LTBP4: variants seen among roughly 807,000 people sequenced by gnomAD.
LTBP4 encodes latent transforming growth factor beta binding protein 4.
LTBP4 carries 93 observed loss-of-function variants against 180.2 expected under a neutral mutation model. That is an observed-to-expected ratio of 0.52 (90% CI 0.44 to 0.61). The LOEUF (loss-of-function observed/expected upper bound fraction) is 0.61. LTBP4 is among the 20% of genes least tolerant of loss of function. The pLI is 0.00. For missense variants in LTBP4, 2,116 were observed against 2,256.5 expected, an observed-to-expected ratio of 0.94 and a Z score of 1.26; for synonymous variants, 947 against 934.5, an observed-to-expected ratio of 1.01 and a Z score of -0.24.
At chr19:40,606,770 T>C (rs1254201729) in intron 6 of LTBP4, among the ~76,000 whole-genome samples, 1 of 152,206 alleles carries the variant, frequency 6.6e-6, no homozygotes, top group East Asian at 1.9e-4. Flanking sequence ...TTTTTGGAGA[T>C]GGAGTCTCGC....
At chr19:40,607,611 AC>A in intron 7 of LTBP4, 82 bp downstream of exon 7, 2 of 1,438,376 alleles carry the variant, frequency 1.4e-6, no homozygotes, top group East Asian at 5.0e-5. Flanking sequence ...CCCTGAGTTC[AC>A]TGCCCCAACC....
chr19:40,621,908 C>T (rs11668582), intron 22 of LTBP4, among the ~76,000 whole-genome samples: 70,838 of 151,896 alleles, frequency 0.47, 17,507 homozygotes, highest in African/African-American at 0.63. Flanking sequence ...CCACCACACC[C>T]GGCTAATTTT....
upstream of LTBP4, chr19:40,599,280 A>G (rs895698092): frequency 6.2e-7 from 1 of 1,613,842 alleles, no homozygotes; most frequent in Non-Finnish European, 8.5e-7. Flanking sequence ...ATGGAGTATG[A>G]GTAGGGGGCA....
intron 22 of LTBP4, among the ~76,000 whole-genome samples, chr19:40,621,285 A>G (rs768695228): frequency 4.6e-5 from 7 of 151,312 alleles, no homozygotes; most frequent in Non-Finnish European, 8.8e-5. Flanking sequence ...TCCCTCCCCC[A>G]TCTAGTGGTC....
intron 19 of LTBP4, among the ~76,000 whole-genome samples, chr19:40,616,671 A>C (rs576931342): frequency 6.6e-6 from 1 of 152,242 alleles, no homozygotes; most frequent in South Asian, 2.1e-4. Context: ...CAAAAGTTGC[A>C]GTGAGCTGAG....
intron 19 of LTBP4, among the ~76,000 whole-genome samples, chr19:40,615,582 AC>A (rs542095667): frequency 7.9e-5 from 12 of 152,156 alleles, no homozygotes; most frequent in Non-Finnish European, 1.8e-4. Flanking sequence ...ACATGGTGAA[AC>A]CCCGTCTCTA....
chr19:40,612,239 C>T (rs765353233), intron 15 of LTBP4, 47 bp downstream of exon 15: 150 of 1,535,426 alleles, frequency 9.8e-5, no homozygotes, highest in Middle Eastern at 1.8e-4. Flanking sequence ...TCATGACCCC[C>T]GACCCTTGAC....
chr19:40,610,198 T>A, intron 11 of LTBP4: 2 of 491,238 alleles, frequency 4.1e-6, no homozygotes, highest in Non-Finnish European at 3.6e-6. Context: ...GCCACTGTCC[T>A]GCAACTGCGG....
At chr19:40,596,181 A>G (rs906461963) in intron 1 of LTBP4, among the ~76,000 whole-genome samples, 6 of 151,886 alleles carry the variant, frequency 4.0e-5, no homozygotes, top group Admixed American at 1.3e-4. Flanking sequence ...CGGCCTCCCA[A>G]AGTGCTGGGA....
chr19:40,611,991 C>G lies in LTBP4; in HGVS notation c.2179+7C>G, dbSNP rs779707129. The G allele has an allele frequency of 6.2e-7, 1 of 1,611,582 alleles. No homozygotes were observed. The highest frequency in any genetic ancestry group is 2.2e-5 in the East Asian group (1 of 44,804). The stretch of plus-strand genomic sequence containing the variant: ...GCTGGCTCCGAGTGCGAGGGTGAGG[C>G]CGGGGAGGGAGGGAGGAGTGTGGAT... On this transcript the variant is annotated splice_region_variant and intron_variant, in intron 14 of 29. Coordinates refer to ENST00000396819, the MANE Select transcript of LTBP4 (RefSeq NM_001042545.2). This position sits in a 1 kb window ranked among gnomAD's most constrained non-coding sequence, Gnocchi z 4.4.
intron 15 of LTBP4, 94 bp from the exon 16 acceptor site, chr19:40,612,971 C>A: frequency 7.4e-7 from 1 of 1,347,008 alleles, no homozygotes; most frequent in Non-Finnish European, 1.0e-6. Flanking sequence ...ACTCATGAGA[C>A]TTCCCACCAC....
Position 40,629,691 on chromosome 19 carries a change from C to G in LTBP4, c.*141C>G. 1 of 850,442 alleles carries G rather than the reference C, an allele frequency of 1.2e-6. No individual in the cohort carries two copies. Among genetic ancestry groups the G allele is most frequent in the Non-Finnish European group, 1.6e-6 (1 of 633,960 alleles). The allele number at this position is 850,442 out of a possible 1,614,324, so 52.7% of individuals were successfully genotyped here. ...ACCTACGGACGCCTGGAAGCTGCGA[C>G]GCCCTGCACTGCTCCCGCCTCCACC... is the stretch of plus-strand genomic sequence containing the variant. On this transcript the variant is annotated 3_prime_UTR_variant, in exon 30 of 30. Coordinates refer to ENST00000396819, the MANE Select transcript of LTBP4 (RefSeq NM_001042545.2). This position sits in a 1 kb window ranked among gnomAD's most constrained non-coding sequence, Gnocchi z 4.5.
chr19:40,612,150 A>G lies in LTBP4; in HGVS notation c.2257A>G (p.Thr753Ala), dbSNP rs1051303. ...CTCGCCCGGCTCCTTCCAGTGCAGG[A>G]CCTGTCCTTCTGGCCACCACCTGCA... is the stretch of plus-strand genomic sequence containing the variant. Reference protein sequence around the residue: ...VNSPGSFQCRTCPSGHHLHRG... With the variant: ...VNSPGSFQCRACPSGHHLHRG... Residue 753 changes from threonine to alanine, a missense_variant, in exon 15 of 30, where the codon ACC becomes GCC. Thr to Ala is a moderately conservative substitution (Grantham distance 58). Coordinates refer to ENST00000396819, the MANE Select transcript of LTBP4 (RefSeq NM_001042545.2). The G allele has an allele frequency of 0.43, 689,624 of 1,610,370 alleles. 151,226 individuals are homozygous for G. Among genetic ancestry groups the G allele is most frequent in the African/African-American group, 0.58 (43,789 of 74,896 alleles).
intron 25 of LTBP4, 83 bp downstream of exon 25, chr19:40,623,815 C>A: frequency 6.3e-7 from 1 of 1,598,732 alleles, no homozygotes; most frequent in Middle Eastern, 1.7e-4. Flanking sequence ...GTGGCCACCA[C>A]CAGCGGGAAG....
chr19:40,602,238 C>T (rs989729154), intron 1 of LTBP4, among the ~76,000 whole-genome samples: 1 of 149,790 alleles, frequency 6.7e-6, no homozygotes, highest in Non-Finnish European at 1.5e-5. Context: ...AGGGGTCCCA[C>T]GTGCGACAGA....
chr19:40,627,088 G>A lies in LTBP4; in HGVS notation c.4099G>A (p.Gly1367Ser). 6.2e-7 allele frequency: 1 copy of A among 1,613,858 alleles called. No homozygotes were observed. Among genetic ancestry groups the A allele is most frequent in the Non-Finnish European group, 8.5e-7 (1 of 1,179,822 alleles). Residue 1367 changes from glycine to serine, a missense_variant, in exon 28 of 30, where the codon GGC becomes AGC. Gly to Ser is a moderately conservative substitution (Grantham distance 56). Coordinates refer to ENST00000396819, the MANE Select transcript of LTBP4 (RefSeq NM_001042545.2). The stretch of plus-strand genomic sequence containing the variant: ...CCCAGACTTAGGTCCACCTTACCAG[G>A]GCCTCCCATATGGGCCTGAGTTGTA... ...YGPDLGPPYQGLPYGPELYPP... is the reference protein window; with the variant it reads ...YGPDLGPPYQSLPYGPELYPP...
intron 1 of LTBP4, among the ~76,000 whole-genome samples, chr19:40,596,293 AC>A (rs1459523488): frequency 1.3e-5 from 2 of 151,726 alleles, no homozygotes; most frequent in African/African-American, 4.8e-5. Flanking sequence ...AAACTCCTGG[AC>A]TCAAGCGATC....
intron 21 of LTBP4, among the ~76,000 whole-genome samples, chr19:40,618,355 G>A (rs555615468): frequency 1.3e-5 from 2 of 151,962 alleles, no homozygotes; most frequent in South Asian, 4.2e-4. Context: ...CACCTCCCGG[G>A]TTCAAGCAAT....
At chr19:40,616,676 G>A (rs2081551220) in intron 19 of LTBP4, among the ~76,000 whole-genome samples, 1 of 152,254 alleles carries the variant, frequency 6.6e-6, no homozygotes, top group South Asian at 2.1e-4. Context: ...GTTGCAGTGA[G>A]CTGAGATTGA....
Sources: allele counts gnomAD v4.1 joint callset (sites outside exome capture counted in the v4.1 genomes callset), GRCh38; gene constraint gnomAD v4.1.1; non-coding constraint Gnocchi (gnomAD v3.1); transcripts MANE v1.5; gene names NCBI Gene and HGNC (gene_info 2026-07-23, HGNC 2026-07-21).